Variants in ASXL3 observed in about 807,000 individuals in gnomAD.
The protein encoded by ASXL3 is putative Polycomb group protein ASXL3.
ASXL3 carries 34 observed loss-of-function variants against 170.6 expected under a neutral mutation model. The ratio of observed to expected loss-of-function variants is 0.20; its 90% CI spans 0.15 to 0.27. ASXL3 has a LOEUF of 0.27. Ranked by LOEUF, ASXL3 falls within the 10% of genes least tolerant of loss-of-function variation. The pLI is 1.00. For missense variants in ASXL3, 2,592 were observed against 2,695.3 expected, an observed-to-expected ratio of 0.96 and a Z score of 0.85; for synonymous variants, 1,002 against 989.1, an observed-to-expected ratio of 1.01 and a Z score of -0.24.
At position 33,742,943 on chromosome 18, in the gene ASXL3, A is replaced by G. The variant is rs748162166; in HGVS notation, c.3095A>G (p.Lys1032Arg). The G allele has an allele frequency of 1.9e-6, 3 of 1,613,506 alleles. No individual in the cohort carries two copies. Among genetic ancestry groups the G allele is most frequent in the East Asian group, 2.2e-5 (1 of 44,858 alleles). Residue 1032 changes from lysine to arginine, a missense_variant, in exon 12 of 12, where the codon AAA (lysine) becomes AGA (arginine). By Grantham distance (26) the Lys-to-Arg change is conservative. This residue lies in a region of ASXL3 where 2,246 missense variants were observed against 2,219.6 expected (regional missense o/e 1.01). Coordinates refer to ENST00000269197, the MANE Select transcript of ASXL3 (RefSeq NM_030632.3). ...ATAATCAAGAGCCAACCAGTCTCCAAACCTGAGTCTCGAGCATCCACTAGC... is the reference window on the plus strand; with the variant it reads ...ATAATCAAGAGCCAACCAGTCTCCAGACCTGAGTCTCGAGCATCCACTAGC... ...PFIIKSQPVS[K>R]PESRASTSTS...
Position 33,607,492 on chromosome 18 carries a change from C to T in ASXL3, c.55-102C>T, listed in dbSNP as rs926121033. 8.4e-6 allele frequency: 8 copies of T among 947,426 alleles called. No individual in the cohort carries two copies. The African/African-American group carries it at 1.2e-4, about 14-fold the overall frequency. 58.7% of individuals were successfully genotyped at this position (947,426 alleles called of 1,614,324 possible). A position where few individuals can be genotyped will look rare whatever the true frequency, so the allele number is the denominator to read the frequency against. On this transcript the variant is annotated intron_variant, in intron 1 of 11. Coordinates refer to ENST00000269197, the MANE Select transcript of ASXL3 (RefSeq NM_030632.3). ...ATGGACTGCTTTTGATGTAAAAGCCCCTTCCCCTCTAATAAAATAAGCAGA... is the reference window on the plus strand; with the variant it reads ...ATGGACTGCTTTTGATGTAAAAGCCTCTTCCCCTCTAATAAAATAAGCAGA...
chr18:33,734,228 C>A, intron 9 of ASXL3, 82 bp from the exon 10 acceptor site: 1 of 890,810 alleles, frequency 1.1e-6, no homozygotes, highest in Non-Finnish European at 1.7e-6. Context: ...TAAAAGTTTA[C>A]TCAAATGAAT....
Position 33,745,629 on chromosome 18 carries a change from C to T in ASXL3, c.5781C>T (p.His1927=), listed in dbSNP as rs377000497. ...GGFHTDAGTS[H]RQQFYQMPVA... ...TCCACACTGACGCTGGTACCTCACA[C>T]AGACAGCAGTTTTACCAAATGCCTG... Residue 1927 remains histidine (H), a synonymous_variant, in exon 12 of 12, where the codon CAC becomes CAT. Transcript: ENST00000269197. 1.2e-6 allele frequency: 2 copies of T among 1,614,000 alleles called. No individual in the cohort carries two copies. The highest frequency in any genetic ancestry group is 2.7e-5 in the African/African-American group (2 of 75,056).
intron 1 of ASXL3, among the ~76,000 whole-genome samples, chr18:33,598,539 C>G (rs1316048629): frequency 2.0e-5 from 3 of 152,104 alleles, no homozygotes; most frequent in Non-Finnish European, 1.5e-5. Context: ...TAATGTCTGC[C>G]TCTACATTTT....
In ASXL3 at chr18:33,745,542, G is replaced by A; in HGVS notation, c.5694G>A (p.Lys1898=). 1 of 1,614,002 alleles carries A rather than the reference G, an allele frequency of 6.2e-7. No individual in the cohort carries two copies. Among genetic ancestry groups the A allele is most frequent in the Non-Finnish European group, 8.5e-7 (1 of 1,179,896 alleles). Residue 1898 remains lysine (K), a synonymous_variant, in exon 12 of 12, where the codon AAG becomes AAA. Transcript: ENST00000269197. The part of the protein sequence containing the change: ...IVHSPEVKQQ[K]RLLPSCSFQQ... Reference sequence around the variant, plus strand: ...ACAGCCCTGAGGTCAAACAGCAAAAGCGGCTGCTCCCCTCGTGTAGCTTCC... The same window carrying A: ...ACAGCCCTGAGGTCAAACAGCAAAAACGGCTGCTCCCCTCGTGTAGCTTCC...
At chr18:33,625,718 G>A (rs2065592510) in intron 2 of ASXL3, 1 of 152,046 alleles carries the variant, frequency 6.6e-6, no homozygotes, top group South Asian at 2.1e-4. Context: ...GGTAGGGGAG[G>A]CAGTACACCA....
At chr18:33,724,427 A>G (rs574029452) in intron 8 of ASXL3, among the ~76,000 whole-genome samples, 2 of 152,176 alleles carry the variant, frequency 1.3e-5, no homozygotes, top group South Asian at 4.1e-4. Flanking sequence ...TTAGAAACTT[A>G]TATTCATTTG....
intron 8 of ASXL3, among the ~76,000 whole-genome samples, chr18:33,689,621 G>C (rs1415171583): frequency 7.2e-5 from 11 of 152,146 alleles, no homozygotes; most frequent in Non-Finnish European, 1.6e-4. Flanking sequence ...ATGTACCTTT[G>C]GGAGAAATAC....
chr18:33,606,562 A>C (rs1333030691), intron 1 of ASXL3, among the ~76,000 whole-genome samples: 1 of 151,996 alleles, frequency 6.6e-6, no homozygotes, highest in Non-Finnish European at 1.5e-5. Flanking sequence ...AAGCCTTTTC[A>C]AGTTTACATT....
At chr18:33,608,496 A>C (rs750103120) in intron 2 of ASXL3, among the ~76,000 whole-genome samples, 1 of 151,900 alleles carries the variant, frequency 6.6e-6, no homozygotes, top group Non-Finnish European at 1.5e-5. Flanking sequence ...TTCACTGATG[A>C]TTCTTTATTC....
intron 8 of ASXL3, among the ~76,000 whole-genome samples, chr18:33,688,995 CT>C (rs1477453245): frequency 8.7e-6 from 1 of 115,486 alleles, no homozygotes; most frequent in Non-Finnish European, 1.8e-5. Context: ...GGTGTATTTT[CT>C]TTTTATCTTT....
chr18:33,714,752 C>T (rs977434513), intron 8 of ASXL3, among the ~76,000 whole-genome samples: 5 of 152,060 alleles, frequency 3.3e-5, no homozygotes, highest in African/African-American at 2.4e-5. Flanking sequence ...TCTCCTCCCC[C>T]GGTCTTTCTC....
In ASXL3 at chr18:33,745,505, A is replaced by G. The variant is rs200329507; in HGVS notation, c.5657A>G (p.Asn1886Ser). 12 of 1,613,896 alleles carry G rather than the reference A, an allele frequency of 7.4e-6. No homozygotes were observed. The highest frequency in any genetic ancestry group is 1.6e-4 in the Middle Eastern group (1 of 6,084). ...TGGCTAAACAAGCACTCCATGCAGA[A>G]CAGAATTGTTCACAGCCCTGAGGTC... ...QEWLNKHSMQ[N>S]RIVHSPEVKQ... The change falls in exon 12 of 12, where the codon AAC (asparagine) becomes AGC (serine). Residue 1886 changes from asparagine to serine, a missense_variant. Physicochemically the swap from Asn to Ser is conservative, Grantham distance 46 (BLOSUM62 1). This residue lies in a region of ASXL3 where 2,246 missense variants were observed against 2,219.6 expected (regional missense o/e 1.01). Transcript: ENST00000269197.
chr18:33,685,270 G>A (rs550900740), intron 8 of ASXL3, among the ~76,000 whole-genome samples: 7 of 152,270 alleles, frequency 4.6e-5, no homozygotes, highest in Admixed American at 6.5e-5. Flanking sequence ...TGAAATTAAA[G>A]AGGAGAAGAA....
At position 33,744,943 on chromosome 18, in the gene ASXL3, G is replaced by T. The variant is rs376961486; in HGVS notation, c.5095G>T (p.Ala1699Ser). The change falls in exon 12 of 12, where the codon GCC becomes TCC. Residue 1699 changes from alanine (A) to serine (S), a missense_variant. Coordinates refer to ENST00000269197, the MANE Select transcript of ASXL3 (RefSeq NM_030632.3). ...PELPPPAAEG[A>S]SSVQQTQNMK... The stretch of plus-strand genomic sequence containing the variant: ...GCTGCCTCCTCCGGCTGCAGAGGGA[G>T]CCTCTAGTGTACAACAAACACAGAA... 6.2e-7 allele frequency: 1 copy of T among 1,613,886 alleles called. No individual in the cohort carries two copies. The highest frequency in any genetic ancestry group is 1.3e-5 in the African/African-American group (1 of 74,942).
intron 1 of ASXL3, among the ~76,000 whole-genome samples, chr18:33,601,314 C>T (rs563948034): frequency 6.6e-5 from 10 of 151,852 alleles, no homozygotes; most frequent in Non-Finnish European, 1.2e-4. Context: ...TATTAACACT[C>T]ATTGCTGTAG....
chr18:33,665,500 G>A (rs1028188153), intron 5 of ASXL3, among the ~76,000 whole-genome samples: 2 of 152,150 alleles, frequency 1.3e-5, no homozygotes, highest in Non-Finnish European at 1.5e-5. Context: ...TTGACTTTTA[G>A]CATTCACAGC....
chr18:33,671,320 G>A (rs764901320), intron 6 of ASXL3, among the ~76,000 whole-genome samples: 2 of 152,036 alleles, frequency 1.3e-5, no homozygotes, highest in Non-Finnish European at 2.9e-5. Context: ...GTGGATTAAC[G>A]TTTGTATTTT....
In ASXL3 at chr18:33,743,951, G is replaced by T; in HGVS notation, c.4103G>T (p.Arg1368Ile). ...VLIPPMGINN[R>I]FPSEKIAIPG... Reference sequence around the variant, plus strand: ...ATTCCCCCAATGGGAATTAACAACAGATTTCCTTCTGAGAAGATAGCCATA... The same window carrying T: ...ATTCCCCCAATGGGAATTAACAACATATTTCCTTCTGAGAAGATAGCCATA... Residue 1368 changes from arginine to isoleucine, a missense_variant, in exon 12 of 12, where the codon AGA becomes ATA. Coordinates refer to ENST00000269197, the MANE Select transcript of ASXL3 (RefSeq NM_030632.3). 2 of 1,614,030 alleles carry T rather than the reference G, an allele frequency of 1.2e-6. No homozygotes were observed. Among genetic ancestry groups the T allele is most frequent in the South Asian group, 2.2e-5 (2 of 91,082 alleles).
Sources: gnomAD v4.1 joint callset for allele counts (sites outside exome capture counted in the v4.1 genomes callset) on GRCh38, gnomAD v4.1.1 for gene constraint, gnomAD v4.1.1 regional missense constraint, MANE v1.5 for transcripts, NCBI Gene and HGNC (gene_info 2026-07-23, HGNC 2026-07-21) for gene names.